MLIP: variants seen among roughly 807,000 people sequenced by gnomAD.
MLIP encodes the protein muscular LMNA interacting protein, also known as muscular LMNA-interacting protein.
A neutral mutation model predicts 84.8 loss-of-function variants in MLIP; 79 were observed. The ratio of observed to expected loss-of-function variants is 0.93; its 90% confidence interval spans 0.78 to 1.12. The LOEUF is 1.12. MLIP is among the 50% of genes most tolerant of loss of function. The probability of loss-of-function intolerance (pLI) is 0.00; values close to 1 mark genes in which losing one functional copy is unlikely to be tolerated. For synonymous variants in MLIP, 504 were observed against 463.0 expected, an observed-to-expected ratio of 1.09 and a Z score of -1.14; for missense variants, 1,257 against 1,160.6, an observed-to-expected ratio of 1.08 and a Z score of -1.21.
chr6:54,190,207 C>T (rs1777781183), intron 10 of MLIP, among the ~76,000 whole-genome samples: 1 of 152,034 alleles, frequency 6.6e-6, no homozygotes, highest in Admixed American at 6.6e-5. Context: ...GAGAAGAGAG[C>T]ACACTCTTTA....
intron 9 of MLIP, among the ~76,000 whole-genome samples, chr6:54,189,321 G>A (rs1156242947): frequency 6.6e-6 from 1 of 152,168 alleles, no homozygotes; most frequent in Non-Finnish European, 1.5e-5. Flanking sequence ...TGAAAGGGTT[G>A]AAATATAGGA....
At chr6:54,021,144 C>A (rs974049136) in intron 1 of MLIP, among the ~76,000 whole-genome samples, 2 of 152,064 alleles carry the variant, frequency 1.3e-5, no homozygotes, top group Non-Finnish European at 2.9e-5. Flanking sequence ...CATGTTAATA[C>A]CAATGTAACA....
chr6:54,118,393 T>C (rs1027431542), intron 1 of MLIP, among the ~76,000 whole-genome samples: 1 of 152,230 alleles, frequency 6.6e-6, no homozygotes, highest in Non-Finnish European at 1.5e-5. Context: ...AGCCAACTGA[T>C]GTTTGATAAA....
intron 8 of MLIP, among the ~76,000 whole-genome samples, chr6:54,168,718 C>T (rs1051795028): frequency 6.6e-6 from 1 of 151,840 alleles, no homozygotes; most frequent in African/African-American, 2.4e-5. Flanking sequence ...GTACTGAATG[C>T]ACATTTGAAA....
intron 9 of MLIP, among the ~76,000 whole-genome samples, chr6:54,172,164 T>C (rs891735252): frequency 6.6e-6 from 1 of 151,716 alleles, no homozygotes; most frequent in Non-Finnish European, 1.5e-5. Flanking sequence ...GAGAGTTCTT[T>C]AAAAGTATAA....
Position 54,055,561 on chromosome 6 carries a change from C to T in MLIP, c.63+36470C>T, listed in dbSNP as rs192403967. Among the ~76,000 whole-genome samples the T allele has an allele frequency of 5.3e-5, 8 of 152,164 alleles. No individual in the cohort carries two copies. In the East Asian group the frequency reaches 1.5e-3, roughly 29 times the overall value. ...GTCCCTGTTCATTCATTAATTTAGT[C>T]AACAAATATTAGTTGCCTTATATTT... On this transcript the variant is annotated intron_variant, in intron 1 of 12. Coordinates refer to the MLIP transcript ENST00000274897.
At chr6:54,205,352 G>T (rs540469055) in intron 11 of MLIP, among the ~76,000 whole-genome samples, 1 of 152,290 alleles carries the variant, frequency 6.6e-6, no homozygotes, top group South Asian at 2.1e-4. Flanking sequence ...ATCCACCCAT[G>T]TAATGGAAAA....
chr6:54,171,453 G>A (rs1214559147), intron 9 of MLIP, among the ~76,000 whole-genome samples: 2 of 151,532 alleles, frequency 1.3e-5, no homozygotes, highest in Non-Finnish European at 1.5e-5. Context: ...ACACGTCCAC[G>A]TCTTTTGGAA....
intron 1 of MLIP, among the ~76,000 whole-genome samples, chr6:54,094,417 A>T (rs1286636755): frequency 6.6e-6 from 1 of 152,126 alleles, no homozygotes; most frequent in Non-Finnish European, 1.5e-5. Flanking sequence ...TTTATTCTGG[A>T]CAACTGCTTT....
At chr6:54,173,003 G>T (rs577959748) in intron 9 of MLIP, among the ~76,000 whole-genome samples, 34 of 151,824 alleles carry the variant, frequency 2.2e-4, no homozygotes, top group Admixed American at 7.9e-4. Flanking sequence ...CACTAGCAGG[G>T]TTGGTTAATT....
chr6:54,190,512 A>G (rs1403386046), intron 10 of MLIP, among the ~76,000 whole-genome samples: 1 of 152,160 alleles, frequency 6.6e-6, no homozygotes, highest in Non-Finnish European at 1.5e-5. Flanking sequence ...AAGCAGTATA[A>G]AAATTGAGAT....
chr6:54,193,320 G>A (rs2150687143), intron 10 of MLIP, among the ~76,000 whole-genome samples: 1 of 152,300 alleles, frequency 6.6e-6, no homozygotes, highest in South Asian at 2.1e-4. Context: ...AGGGATTATT[G>A]TGAGGCTCAC....
rs752053709 is a variant in MLIP, at chr6:54,266,124, G to A, written c.*169G>A. The A allele has an allele frequency of 6.2e-6, 4 of 644,300 alleles. No homozygotes were observed. The highest frequency in any genetic ancestry group is 1.1e-5 in the Non-Finnish European group (4 of 362,120). The allele number at this position is 644,300 out of a possible 1,614,324, so 39.9% of individuals were successfully genotyped here. A position where few individuals can be genotyped will look rare whatever the true frequency, so the allele number is the denominator to read the frequency against. On this transcript the variant is annotated 3_prime_UTR_variant, in exon 14 of 14. Transcript: ENST00000502396. ...TTTGCTGCAATTATATAGCATCACA[G>A]TGCTCTGCTAACAGCCAGCATAGAA...
intron 13 of MLIP, among the ~76,000 whole-genome samples, chr6:54,261,975 T>C (rs183680294): frequency 1.3e-5 from 2 of 152,118 alleles, no homozygotes; most frequent in Admixed American, 6.6e-5. Context: ...GATAGACAAA[T>C]GGCTACAGGG....
intron 12 of MLIP, among the ~76,000 whole-genome samples, chr6:54,252,391 A>G (rs1782684501): frequency 1.0e-5 from 1 of 98,224 alleles, no homozygotes; most frequent in Admixed American, 1.1e-4. Context: ...ATATTATAAC[A>G]TATAATATAT....
intron 1 of MLIP, among the ~76,000 whole-genome samples, chr6:54,058,605 C>T (rs892717184): frequency 6.6e-6 from 1 of 152,096 alleles, no homozygotes; most frequent in African/African-American, 2.4e-5. Flanking sequence ...TAAACACAGA[C>T]CATTTAATTC....
chr6:54,233,746 G>A lies in MLIP; in HGVS notation c.2922+2829G>A, dbSNP rs539678355. 4.0e-4 allele frequency among the ~76,000 whole-genome samples: 61 copies of A among 152,120 alleles called. 1 individual carries two copies. The South Asian group carries it at 0.012, about 30-fold the overall frequency. The stretch of plus-strand genomic sequence containing the variant: ...ATTTCTGGATCAAATGGTATTTCTG[G>A]TTCTAGATTCTTGAGGAATAGCCTT... On this transcript the variant is annotated intron_variant, in intron 12 of 13. Transcript: ENST00000502396.
intron 1 of MLIP, among the ~76,000 whole-genome samples, chr6:54,040,152 T>C (rs1163668427): frequency 6.6e-6 from 1 of 152,024 alleles, no homozygotes; most frequent in Non-Finnish European, 1.5e-5. Context: ...AAATATCCTT[T>C]GAGCATCTAC....
At chr6:54,265,663 C>A (rs1417815893) in intron 13 of MLIP, among the ~76,000 whole-genome samples, 1 of 152,000 alleles carries the variant, frequency 6.6e-6, no homozygotes, top group African/African-American at 2.4e-5. Context: ...TAAGGCAGCC[C>A]CTGCCCCTCA....
Sources: gnomAD v4.1 joint callset for allele counts (sites outside exome capture counted in the v4.1 genomes callset) on GRCh38, gnomAD v4.1.1 for gene constraint, MANE v1.5 for transcripts, NCBI Gene and HGNC (gene_info 2026-07-23, HGNC 2026-07-21) for gene names.